The following ARHGAP15 variants were observed in gnomAD, a reference collection of about 807,000 sequenced individuals.
ARHGAP15 encodes the protein Rho GTPase activating protein 15, also known as rho GTPase-activating protein 15.
ARHGAP15 carries 51 observed loss-of-function variants against 63.7 expected under a neutral mutation model. The observed-to-expected ratio is 0.80, with a 90% CI of 0.64 to 1.01. ARHGAP15 has a LOEUF of 1.01. Among genes scored for constraint, ARHGAP15 ranks in the 50% least tolerant of loss-of-function variants. The pLI, the probability that ARHGAP15 is intolerant of heterozygous loss-of-function variation, is 0.00. For synonymous variants in ARHGAP15, 191 were observed against 193.8 expected, an observed-to-expected ratio of 0.99 and a Z score of 0.12; for missense variants, 560 against 564.6, an observed-to-expected ratio of 0.99 and a Z score of 0.08.
intron 13 of ARHGAP15, among the ~76,000 whole-genome samples, chr2:143,736,209 C>T (rs1685739044): frequency 6.6e-6 from 1 of 152,048 alleles, no homozygotes; most frequent in African/African-American, 2.4e-5. Flanking sequence ...ACCAGCCTGA[C>T]CAACATGGTG....
At chr2:143,177,411 C>T (rs954861505) in intron 2 of ARHGAP15, among the ~76,000 whole-genome samples, 1 of 152,318 alleles carries the variant, frequency 6.6e-6, no homozygotes, top group Admixed American at 6.5e-5. Flanking sequence ...ATAGTCCCCA[C>T]TCTCACCAAG....
intron 13 of ARHGAP15, among the ~76,000 whole-genome samples, chr2:143,764,414 C>T (rs963740484): frequency 3.5e-4 from 54 of 152,152 alleles, no homozygotes; most frequent in African/African-American, 1.3e-3. Flanking sequence ...TACATAATCT[C>T]TTTCCCCTTT....
chr2:143,142,887 A>G (rs1420947007), intron 1 of ARHGAP15, among the ~76,000 whole-genome samples: 3 of 152,128 alleles, frequency 2.0e-5, no homozygotes, highest in African/African-American at 7.2e-5. Flanking sequence ...AAGTAAATAA[A>G]ACAAGACAGA....
intron 13 of ARHGAP15, among the ~76,000 whole-genome samples, chr2:143,765,140 T>C (rs945492421): frequency 6.9e-6 from 1 of 145,370 alleles, no homozygotes; most frequent in Non-Finnish European, 1.5e-5. Context: ...TGTGTGTGTG[T>C]GTGTGTGGTA....
At chr2:143,692,967 T>C (rs1273910938) in intron 12 of ARHGAP15, among the ~76,000 whole-genome samples, 2 of 152,306 alleles carry the variant, frequency 1.3e-5, no homozygotes, top group South Asian at 2.1e-4. Flanking sequence ...GAGAAAAATA[T>C]TGGACTTCTT....
At chr2:143,140,238 T>C (rs921592852) in intron 1 of ARHGAP15, among the ~76,000 whole-genome samples, 4 of 152,152 alleles carry the variant, frequency 2.6e-5, no homozygotes, top group Non-Finnish European at 5.9e-5. Flanking sequence ...GGGAGTATAG[T>C]ATAGCTGTGT....
At chr2:143,380,259 C>T (rs1687005489) in intron 6 of ARHGAP15, among the ~76,000 whole-genome samples, 1 of 152,068 alleles carries the variant, frequency 6.6e-6, no homozygotes, top group African/African-American at 2.4e-5. Flanking sequence ...GGTTTCCATT[C>T]CTGGCTCTGT....
intron 1 of ARHGAP15, among the ~76,000 whole-genome samples, chr2:143,153,812 CTTCTTCTTCTTCTTCTTCT>C (rs1689941494): frequency 2.6e-5 from 2 of 75,810 alleles, no homozygotes; most frequent in Non-Finnish European, 5.4e-5. Context: ...TCTTCTTCTT[CTTCTTCTTCTTCTTCTTCT>C]TCTTCTTCTT....
chr2:143,518,929 G>C (rs900717893), intron 9 of ARHGAP15: 3 of 188,456 alleles, frequency 1.6e-5, no homozygotes, highest in African/African-American at 7.2e-5. Context: ...GTATACCAAA[G>C]ACACTAAGAT....
intron 4 of ARHGAP15, among the ~76,000 whole-genome samples, chr2:143,219,884 A>T (rs1452193334): frequency 6.6e-6 from 1 of 152,208 alleles, no homozygotes; most frequent in Non-Finnish European, 1.5e-5. Flanking sequence ...ACTATTTTCT[A>T]TTGAGTTTCC....
chr2:143,184,743 G>A (rs952769998), intron 2 of ARHGAP15, among the ~76,000 whole-genome samples: 5 of 151,992 alleles, frequency 3.3e-5, no homozygotes, highest in Admixed American at 6.6e-5. Context: ...GTACAGTGGC[G>A]TGTTTATAGC....
intron 11 of ARHGAP15, among the ~76,000 whole-genome samples, chr2:143,603,404 G>A (rs1697854605): frequency 6.6e-6 from 1 of 152,180 alleles, no homozygotes; most frequent in Admixed American, 6.5e-5. Context: ...GGAGTAACCT[G>A]TTTGGACGCA....
chr2:143,363,488 C>G (rs1686153652), intron 6 of ARHGAP15, among the ~76,000 whole-genome samples: 1 of 152,156 alleles, frequency 6.6e-6, no homozygotes, highest in Non-Finnish European at 1.5e-5. Context: ...GAGCAAGACT[C>G]TGTCTTCAGA....
At chr2:143,519,452 T>G (rs1693968285) in intron 10 of ARHGAP15, 88 bp downstream of exon 10, 1 of 990,040 alleles carries the variant, frequency 1.0e-6, no homozygotes, top group African/African-American at 1.6e-5. Context: ...CTGATTTGTC[T>G]GAGAAGCCAT....
chr2:143,441,518 T>G (rs1005344485), intron 8 of ARHGAP15, among the ~76,000 whole-genome samples: 2 of 152,214 alleles, frequency 1.3e-5, no homozygotes, highest in African/African-American at 4.8e-5. Context: ...CATTAATTCT[T>G]TTTTATGAAG....
chr2:143,382,651 A>G (rs1687110880), intron 6 of ARHGAP15, among the ~76,000 whole-genome samples: 1 of 152,164 alleles, frequency 6.6e-6, no homozygotes, highest in African/African-American at 2.4e-5. Flanking sequence ...AGGGGGACAC[A>G]ATTCAACCCA....
At chr2:143,253,927 C>T (rs1490790523) in intron 6 of ARHGAP15, among the ~76,000 whole-genome samples, 4 of 152,016 alleles carry the variant, frequency 2.6e-5, no homozygotes, top group African/African-American at 9.7e-5. Flanking sequence ...ATGTCCATTG[C>T]TGCTAACTTT....
At chr2:143,423,367 C>A (rs1214582977) in intron 6 of ARHGAP15, among the ~76,000 whole-genome samples, 1 of 152,046 alleles carries the variant, frequency 6.6e-6, no homozygotes, top group Non-Finnish European at 1.5e-5. Flanking sequence ...ATAAGCCTTT[C>A]ATTATGTGGA....
chr2:143,677,176 T>C (rs916104279), intron 12 of ARHGAP15, among the ~76,000 whole-genome samples: 3 of 152,212 alleles, frequency 2.0e-5, no homozygotes, highest in Non-Finnish European at 4.4e-5. Flanking sequence ...GCCAGTTAAT[T>C]AGGCTTAAAG....
Sources: allele counts gnomAD v4.1 joint callset (sites outside exome capture counted in the v4.1 genomes callset), GRCh38; gene constraint gnomAD v4.1.1; transcripts MANE v1.5; gene names NCBI Gene and HGNC (gene_info 2026-07-23, HGNC 2026-07-21).